Variants in COL23A1 observed in about 807,000 individuals in gnomAD.
COL23A1 encodes collagen alpha-1(XXIII) chain.
Under a neutral mutation model 99.3 loss-of-function variants are expected in COL23A1, and 97 were observed. That is an observed-to-expected ratio of 0.98 (90% CI 0.83 to 1.16). The LOEUF (loss-of-function observed/expected upper bound fraction) is 1.16. COL23A1 is among the 50% of genes most tolerant of loss of function. The pLI is 0.00. For synonymous variants in COL23A1, 320 were observed against 308.2 expected (o/e 1.04, Z -0.40); for missense variants, 762 against 757.4 (o/e 1.01, Z -0.07).
At position 178,245,917 on chromosome 5, in the gene COL23A1, C is replaced by T. The variant is rs764761724; in HGVS notation, c.1440+25G>A. The T allele has an allele frequency of 4.3e-6, 7 of 1,613,910 alleles. No individual in the cohort carries two copies. In the South Asian group the frequency reaches 7.7e-5, roughly 18 times the overall value. On this transcript the variant is annotated intron_variant, in intron 25 of 28. Coordinates refer to ENST00000390654, the MANE Select transcript of COL23A1 (RefSeq NM_173465.4). ...GATACACACAAGAGGCACCCAATTACTCAAAGTGATGATAAGACACTTACA... is the reference window on the plus strand; with the variant it reads ...GATACACACAAGAGGCACCCAATTATTCAAAGTGATGATAAGACACTTACA...
intron 2 of COL23A1, among the ~76,000 whole-genome samples, chr5:178,408,151 C>T (rs186039633): frequency 6.6e-5 from 10 of 152,232 alleles, no homozygotes; most frequent in East Asian, 3.9e-4. Flanking sequence ...TCAGAAACCA[C>T]GGAGGCCAGA....
rs1246393195 is a variant in COL23A1, at chr5:178,365,808, C to T, written c.362-58889G>A. Among the ~76,000 whole-genome samples, 1 of 152,176 alleles carries T rather than the reference C, an allele frequency of 6.6e-6. No homozygotes were observed. The highest frequency in any genetic ancestry group is 2.4e-5 in the African/African-American group (1 of 41,448). On this transcript the variant is annotated intron_variant, in intron 2 of 28. Transcript: ENST00000390654. The surrounding 1 kb of genome is among the most constrained non-coding windows in gnomAD (Gnocchi z 5.2). Reference sequence around the variant, plus strand: ...TGTGACCTGGGAGGGGGCCCACTCCCCCTACCCTCAGCGCTGGGCACTGGC... The same window carrying T: ...TGTGACCTGGGAGGGGGCCCACTCCTCCTACCCTCAGCGCTGGGCACTGGC...
chr5:178,564,410 CT>C lies in COL23A1; in HGVS notation c.295-3663del, dbSNP rs1041628988. On this transcript the variant is annotated intron_variant, in intron 1 of 28. Transcript: ENST00000390654. Reference sequence around the variant, plus strand: ...AATCTCACAATCTTTACTTCATGCTCTTTTTTTTTTTAATCCTAAGAAAATA... The same window carrying C: ...AATCTCACAATCTTTACTTCATGCTCTTTTTTTTTTAATCCTAAGAAAATA... Among the ~76,000 whole-genome samples the C allele has an allele frequency of 5.5e-3, 806 of 146,162 alleles. 1 individual carries two copies. The highest frequency in any genetic ancestry group is 8.0e-3 in the Non-Finnish European group (532 of 66,098).
At chr5:178,247,294 C>T (rs928616442) in intron 22 of COL23A1, among the ~76,000 whole-genome samples, 4 of 151,892 alleles carry the variant, frequency 2.6e-5, no homozygotes, top group East Asian at 1.9e-4. Flanking sequence ...ACTGGGGTCC[C>T]GGGCAGAGGG....
intron 2 of COL23A1, among the ~76,000 whole-genome samples, chr5:178,532,648 G>C (rs10058685): frequency 0.43 from 65,192 of 152,042 alleles, 14,590 homozygotes; most frequent in Non-Finnish European, 0.51. Context: ...CCGTGACTGG[G>C]TGTTGTGTTC....
At chr5:178,317,712 T>C (rs1351016516) in intron 2 of COL23A1, among the ~76,000 whole-genome samples, 1 of 152,024 alleles carries the variant, frequency 6.6e-6, no homozygotes, top group Non-Finnish European at 1.5e-5. Context: ...TGCCAATGGG[T>C]TGGGGAGCGT....
At chr5:178,413,593 G>C (rs955225190) in intron 2 of COL23A1, among the ~76,000 whole-genome samples, 49 of 152,204 alleles carry the variant, frequency 3.2e-4, no homozygotes, top group South Asian at 8.3e-4. Flanking sequence ...AGTTCAATGG[G>C]AAAGACAGAC....
chr5:178,250,251 T>A, intron 17 of COL23A1, 146 bp from the exon 18 acceptor site: 1 of 774,526 alleles, frequency 1.3e-6, no homozygotes, highest in Non-Finnish European at 2.2e-6. Flanking sequence ...CACCGCCTCC[T>A]CTGTTTCCTC....
chr5:178,249,716 A>ACACACTCTCTCTCTCTCTCT, intron 18 of COL23A1, among the ~76,000 whole-genome samples: 4 of 92,752 alleles, frequency 4.3e-5, no homozygotes, highest in African/African-American at 1.3e-4. Flanking sequence ...ACACACACAC[A>ACACACTCTCTCTCTCTCTCT]CTCTCTCTCT....
intron 2 of COL23A1, among the ~76,000 whole-genome samples, chr5:178,538,944 A>G (rs1481055571): frequency 6.6e-6 from 1 of 152,240 alleles, no homozygotes; most frequent in Non-Finnish European, 1.5e-5. Flanking sequence ...AACCTTGACA[A>G]TATTACACTA....
chr5:178,486,519 G>A (rs1350240134), intron 2 of COL23A1, among the ~76,000 whole-genome samples: 1 of 150,754 alleles, frequency 6.6e-6, no homozygotes, highest in Non-Finnish European at 1.5e-5. Flanking sequence ...TACGCTCAAC[G>A]AGAAAAGGAA....
chr5:178,560,640 GGCCGAACGCAGGA>G (rs1285659516), intron 2 of COL23A1, 29 bp downstream of exon 2: 1 of 1,576,458 alleles, frequency 6.3e-7, no homozygotes, highest in Admixed American at 1.8e-5. Flanking sequence ...AGCAAACGGC[GGCCGAACGCAGGA>G]GCCAGAAGGG....
chr5:178,241,391 C>G lies in COL23A1; in HGVS notation c.1581+651G>C, dbSNP rs543815629. ...TGTGGGGAAGAGGGAGGTGCTGCCC[C>G]AGCCCAGAGAGACTCTTCTGGGAAG... On this transcript the variant is annotated intron_variant, in intron 27 of 28. Transcript: ENST00000390654. Among the ~76,000 whole-genome samples the G allele has an allele frequency of 9.9e-5, 15 of 152,086 alleles. 1 individual carries two copies. In the East Asian group the frequency reaches 2.9e-3, roughly 30 times the overall value.
At chr5:178,471,493 C>T (rs1463743759) in intron 2 of COL23A1, among the ~76,000 whole-genome samples, 2 of 150,776 alleles carry the variant, frequency 1.3e-5, no homozygotes, top group Non-Finnish European at 2.9e-5. Context: ...CCCGCCTCGG[C>T]CTCCCAAAGT....
At chr5:178,557,844 G>A (rs746083278) in intron 2 of COL23A1, among the ~76,000 whole-genome samples, 10 of 152,146 alleles carry the variant, frequency 6.6e-5, no homozygotes, top group Non-Finnish European at 1.0e-4. Context: ...CGGCCTGCTG[G>A]GGTTTAGTGT....
At position 178,415,158 on chromosome 5, in the gene COL23A1, T is replaced by C. The variant is rs1478680916; in HGVS notation, c.362-108239A>G. 6.6e-6 allele frequency among the ~76,000 whole-genome samples: 1 copy of C among 152,184 alleles called. No homozygotes were observed. The highest frequency in any genetic ancestry group is 6.5e-5 in the Admixed American group (1 of 15,276). On this transcript the variant is annotated intron_variant, in intron 2 of 28. Transcript: ENST00000390654. This position sits in a 1 kb window ranked among gnomAD's most constrained non-coding sequence, Gnocchi z 4.6. ...AGCTGGGCTGCTTGGATTCAGCCTC[T>C]GACTCTCCCAGGAAGGAGCTCCAGT...
chr5:178,403,924 C>A, intron 2 of COL23A1, among the ~76,000 whole-genome samples: 1 of 152,200 alleles, frequency 6.6e-6, no homozygotes, highest in East Asian at 1.9e-4. Flanking sequence ...ACAGGCTTGT[C>A]CAGCTTCTCG....
At position 178,281,021 on chromosome 5, in the gene COL23A1, C is replaced by T. The variant is rs1581517957; in HGVS notation, c.441+7303G>A. Among the ~76,000 whole-genome samples, 1 of 152,232 alleles carries T rather than the reference C, an allele frequency of 6.6e-6. No individual in the cohort carries two copies. Among genetic ancestry groups the T allele is most frequent in the East Asian group, 1.9e-4 (1 of 5,164 alleles). On this transcript the variant is annotated intron_variant, in intron 5 of 28. Coordinates refer to ENST00000390654, the MANE Select transcript of COL23A1 (RefSeq NM_173465.4). This position sits in a 1 kb window ranked among gnomAD's most constrained non-coding sequence, Gnocchi z 4.0. ...AGGCTGGACTCAAGAGACTTAGGGC[C>T]CTGGGGAGAACGGCCAGCATGGTGG...
At chr5:178,430,833 G>A (rs1292427236) in intron 2 of COL23A1, among the ~76,000 whole-genome samples, 3 of 152,186 alleles carry the variant, frequency 2.0e-5, no homozygotes, top group Non-Finnish European at 2.9e-5. Context: ...GTGGTGCCTT[G>A]TGGTTGCTAG....
Sources: allele counts gnomAD v4.1 joint callset (sites outside exome capture counted in the v4.1 genomes callset), GRCh38; gene constraint gnomAD v4.1.1; non-coding constraint Gnocchi (gnomAD v3.1); transcripts MANE v1.5; gene names NCBI Gene and HGNC (gene_info 2026-07-23, HGNC 2026-07-21).